FRMD4A: variants seen among roughly 807,000 people sequenced by gnomAD.
The protein encoded by FRMD4A is FERM domain-containing protein 4A.
FRMD4A carries 29 observed loss-of-function variants against 129.1 expected under a neutral mutation model. That is an observed-to-expected ratio of 0.22 (90% CI 0.17 to 0.31). FRMD4A has a LOEUF of 0.31. Ranked by LOEUF, FRMD4A falls within the 10% of genes least tolerant of loss-of-function variation. The pLI is 1.00. For missense variants in FRMD4A, 1,272 were observed against 1,375.8 expected (o/e 0.92, Z 1.19); for synonymous variants, 634 against 571.6 (o/e 1.11, Z -1.56).
intron 12 of FRMD4A, among the ~76,000 whole-genome samples, chr10:13,725,730 A>G (rs1355590778): frequency 6.6e-6 from 1 of 152,192 alleles, no homozygotes; most frequent in African/African-American, 2.4e-5. Context: ...TCCAGTGACC[A>G]ACAAAAAAAT....
chr10:13,966,259 G>A (rs1979337), intron 2 of FRMD4A, among the ~76,000 whole-genome samples: 19,956 of 152,096 alleles, frequency 0.13, 3,255 homozygotes, highest in African/African-American at 0.38. Flanking sequence ...CTGACCTCAG[G>A]TGATCTGCCT....
At chr10:14,280,772 T>C (rs1845491832) in intron 2 of FRMD4A, among the ~76,000 whole-genome samples, 1 of 152,086 alleles carries the variant, frequency 6.6e-6, no homozygotes. Flanking sequence ...GAGTGAAAAG[T>C]GTGAAGTTTT....
At chr10:13,769,986 G>A (rs2092409100) in intron 6 of FRMD4A, among the ~76,000 whole-genome samples, 1 of 152,020 alleles carries the variant, frequency 6.6e-6, no homozygotes, top group Non-Finnish European at 1.5e-5. Flanking sequence ...CAGCCCCCAT[G>A]ATCTTGTGAG....
chr10:13,783,837 A>T (rs1447058650), intron 5 of FRMD4A, among the ~76,000 whole-genome samples: 2 of 152,192 alleles, frequency 1.3e-5, no homozygotes, highest in East Asian at 3.8e-4. Flanking sequence ...TGAGAATCGG[A>T]TTTCATCTAG....
chr10:13,955,061 T>C (rs1269629910), intron 2 of FRMD4A, among the ~76,000 whole-genome samples: 1 of 151,450 alleles, frequency 6.6e-6, no homozygotes, highest in Non-Finnish European at 1.5e-5. Context: ...TATTCAATTG[T>C]CTATGGTAAG....
At chr10:13,760,514 G>A (rs767092948) in intron 8 of FRMD4A, among the ~76,000 whole-genome samples, 5 of 151,936 alleles carry the variant, frequency 3.3e-5, no homozygotes, top group African/African-American at 4.8e-5. Context: ...AGGAGACCTT[G>A]TCTCTGAAAA....
chr10:14,023,441 A>G (rs1832851229), intron 2 of FRMD4A, among the ~76,000 whole-genome samples: 1 of 152,232 alleles, frequency 6.6e-6, no homozygotes, highest in Non-Finnish European at 1.5e-5. Context: ...CCAACCTTCC[A>G]TAGCCTTCTC....
At chr10:14,005,794 C>T (rs192978924) in intron 2 of FRMD4A, among the ~76,000 whole-genome samples, 2 of 152,322 alleles carry the variant, frequency 1.3e-5, no homozygotes, top group Admixed American at 1.3e-4. Flanking sequence ...AAGATTAAAA[C>T]TCTCCACGCC....
At chr10:13,662,122 G>T (rs921874159) in intron 19 of FRMD4A, among the ~76,000 whole-genome samples, 1 of 152,088 alleles carries the variant, frequency 6.6e-6, no homozygotes, top group East Asian at 1.9e-4. Context: ...TACTACCAAG[G>T]AATCTCTCAA....
intron 2 of FRMD4A, among the ~76,000 whole-genome samples, chr10:14,219,673 A>T (rs1843184164): frequency 6.6e-6 from 1 of 152,160 alleles, no homozygotes; most frequent in Non-Finnish European, 1.5e-5. Flanking sequence ...GAGTACACAG[A>T]GACAGCTAAG....
chr10:14,145,812 C>T (rs1352361644), intron 2 of FRMD4A, among the ~76,000 whole-genome samples: 1 of 152,126 alleles, frequency 6.6e-6, no homozygotes, highest in Non-Finnish European at 1.5e-5. Context: ...TGACCAAAAA[C>T]ACTGGGGGCA....
chr10:14,197,190 A>G (rs1429954442), intron 2 of FRMD4A, among the ~76,000 whole-genome samples: 2 of 152,152 alleles, frequency 1.3e-5, no homozygotes, highest in African/African-American at 4.8e-5. Context: ...TTAACCTCAC[A>G]ATAAGGGAAC....
Position 13,862,160 on chromosome 10 carries a change from A to C in FRMD4A, c.46-3248T>G, listed in dbSNP as rs11258677. 5.8e-3 allele frequency among the ~76,000 whole-genome samples: 881 copies of C among 152,326 alleles called. 6 individuals are homozygous for C. The highest frequency in any genetic ancestry group is 0.028 in the East Asian group (143 of 5,190). ...CAGAGAATAGGGGAGAGTTTTAAGA[A>C]AGAAATGCTGTTTGTTTTCTGCATC... On this transcript the variant is annotated intron_variant, in intron 2 of 24. Coordinates refer to ENST00000357447, the MANE Select transcript of FRMD4A (RefSeq NM_018027.5).
At chr10:13,701,113 C>T (rs2086791766) in intron 14 of FRMD4A, among the ~76,000 whole-genome samples, 1 of 152,098 alleles carries the variant, frequency 6.6e-6, no homozygotes, top group Non-Finnish European at 1.5e-5. Flanking sequence ...GCGGCTTGAG[C>T]GGCTCTGATG....
chr10:14,053,770 G>A (rs1463489760), intron 2 of FRMD4A, among the ~76,000 whole-genome samples: 3 of 152,108 alleles, frequency 2.0e-5, no homozygotes, highest in Admixed American at 6.5e-5. Context: ...TATAATGAAA[G>A]TGTTTTGGGA....
intron 2 of FRMD4A, among the ~76,000 whole-genome samples, chr10:13,919,219 G>A (rs1415629749): frequency 3.9e-5 from 6 of 152,168 alleles, no homozygotes; most frequent in Non-Finnish European, 5.9e-5. Flanking sequence ...CTGCTCAAGC[G>A]CCATAAGTTT....
At chr10:14,201,945 A>G (rs1368780262) in intron 2 of FRMD4A, among the ~76,000 whole-genome samples, 2 of 152,094 alleles carry the variant, frequency 1.3e-5, no homozygotes, top group South Asian at 4.2e-4. Context: ...CCTGGCCAAC[A>G]TGGTGAAACG....
At chr10:13,832,404 A>T (rs960335359) in intron 3 of FRMD4A, among the ~76,000 whole-genome samples, 1 of 152,210 alleles carries the variant, frequency 6.6e-6, no homozygotes, top group Non-Finnish European at 1.5e-5. Flanking sequence ...TCTGTGCGGA[A>T]ATGTCACCTG....
rs147621499 is a variant in FRMD4A, at chr10:14,086,129, C to T, written c.46-227217G>A. 4.2e-4 allele frequency among the ~76,000 whole-genome samples: 64 copies of T among 152,136 alleles called. 1 individual carries two copies. The highest frequency in any genetic ancestry group is 3.9e-3 in the Admixed American group (60 of 15,286). On this transcript the variant is annotated intron_variant, in intron 2 of 24. Coordinates refer to ENST00000357447, the MANE Select transcript of FRMD4A (RefSeq NM_018027.5). ...AATAAATGAAAGTAGTGTATTTTTC[C>T]AGTTATCTCCAAAGAAGTAAAACTA...
Sources: gnomAD v4.1 joint callset for allele counts (sites outside exome capture counted in the v4.1 genomes callset) on GRCh38, gnomAD v4.1.1 for gene constraint, MANE v1.5 for transcripts, NCBI Gene and HGNC (gene_info 2026-07-23, HGNC 2026-07-21) for gene names.